The following ACYP2 variants were observed in gnomAD, a reference collection of about 807,000 sequenced individuals.
ACYP2 encodes the protein acylphosphatase-2.
ACYP2 carries 12 observed loss-of-function variants against 11.2 expected under a neutral mutation model. The ratio of observed to expected loss-of-function variants is 1.08; its 90% CI spans 0.69 to 1.74. The LOEUF (loss-of-function observed/expected upper bound fraction) is 1.74. Ranked by LOEUF, ACYP2 falls within the 40% of genes most tolerant of loss-of-function variation. The pLI is 0.00. For synonymous variants in ACYP2, 43 were observed against 32.2 expected (o/e 1.33, Z -1.13); for missense variants, 134 against 101.9 (o/e 1.31, Z -1.35).
intron 4 of ACYP2, among the ~76,000 whole-genome samples, chr2:54,120,798 G>C (rs1012210514): frequency 6.6e-6 from 1 of 152,192 alleles, no homozygotes; most frequent in Non-Finnish European, 1.5e-5. Flanking sequence ...CTGGTGTCTG[G>C]ATGAGGGGGA....
intron 6 of ACYP2, among the ~76,000 whole-genome samples, chr2:54,297,300 C>T (rs936691959): frequency 6.8e-6 from 1 of 148,090 alleles, no homozygotes; most frequent in East Asian, 1.9e-4. Context: ...TTAAGACCAG[C>T]CTGGGCAACA....
intron 6 of ACYP2, among the ~76,000 whole-genome samples, chr2:54,229,049 G>A (rs1369576126): frequency 3.3e-5 from 5 of 152,188 alleles, no homozygotes; most frequent in Non-Finnish European, 5.9e-5. Flanking sequence ...CAGGGTTAAT[G>A]TAATAGATTC....
chr2:54,261,166 T>C (rs2104043953), intron 6 of ACYP2, among the ~76,000 whole-genome samples: 1 of 152,356 alleles, frequency 6.6e-6, no homozygotes, highest in African/African-American at 2.4e-5. Flanking sequence ...TATTATTCTT[T>C]GAGTTCATTG....
chr2:54,221,647 A>G (rs1378196584), intron 6 of ACYP2, among the ~76,000 whole-genome samples: 1 of 149,970 alleles, frequency 6.7e-6, no homozygotes, highest in Non-Finnish European at 1.5e-5. Context: ...CAGCCTCCTG[A>G]GTAGGTGGGA....
intron 6 of ACYP2, among the ~76,000 whole-genome samples, chr2:54,215,554 T>G (rs1356271007): frequency 6.6e-6 from 1 of 152,188 alleles, no homozygotes; most frequent in African/African-American, 2.4e-5. Flanking sequence ...AAAAGAAAAA[T>G]ACTTACTATG....
intron 2 of ACYP2, among the ~76,000 whole-genome samples, chr2:53,988,631 G>A (rs1056997183): frequency 6.6e-6 from 1 of 152,076 alleles, no homozygotes; most frequent in African/African-American, 2.4e-5. Flanking sequence ...TTGCCATGTT[G>A]CCCAGGCTGG....
intron 4 of ACYP2, among the ~76,000 whole-genome samples, chr2:54,083,270 G>C (rs1349572674): frequency 6.6e-6 from 1 of 152,214 alleles, no homozygotes; most frequent in South Asian, 2.1e-4. Flanking sequence ...TCTCTCTTGA[G>C]GGCTAATCAA....
intron 3 of ACYP2, among the ~76,000 whole-genome samples, chr2:54,052,264 A>T (rs938078699): frequency 1.3e-5 from 2 of 152,074 alleles, no homozygotes; most frequent in African/African-American, 4.8e-5. Flanking sequence ...TCTGTGTAAG[A>T]TTTATTTTTA....
chr2:54,012,323 T>C lies in ACYP2; in HGVS notation c.62+38513T>C, dbSNP rs372766790. Among the ~76,000 whole-genome samples the C allele has an allele frequency of 1.1e-3, 168 of 151,600 alleles. 1 individual carries two copies. The highest frequency in any genetic ancestry group is 3.7e-3 in the African/African-American group (153 of 41,294). On this transcript the variant is annotated intron_variant, in intron 2 of 6. Coordinates refer to ENST00000607452, the MANE Select transcript of ACYP2 (RefSeq NM_001320586.2). ...GAGTTCAAGACCAGTCTGAGAAACATAGCAAGACCTCGCTCCTATCTACTA... is the reference window on the plus strand; with the variant it reads ...GAGTTCAAGACCAGTCTGAGAAACACAGCAAGACCTCGCTCCTATCTACTA...
intron 2 of ACYP2, among the ~76,000 whole-genome samples, chr2:54,013,596 G>A (rs536767247): frequency 1.6e-4 from 25 of 151,898 alleles, no homozygotes; most frequent in Admixed American, 9.2e-4. Flanking sequence ...CACTGCGCAC[G>A]GCCACCATCT....
chr2:53,983,833 C>G (rs1035607495), intron 2 of ACYP2, among the ~76,000 whole-genome samples: 1 of 152,002 alleles, frequency 6.6e-6, no homozygotes, highest in Non-Finnish European at 1.5e-5. Context: ...TGTAGAAAGA[C>G]CAAGAGTTTT....
intron 5 of ACYP2, among the ~76,000 whole-genome samples, chr2:54,136,243 A>G (rs1032195843): frequency 2.0e-5 from 3 of 151,942 alleles, no homozygotes; most frequent in Non-Finnish European, 4.4e-5. Flanking sequence ...GTTTCACCAT[A>G]TTGCCTGGGC....
chr2:54,201,614 TTCTTTCTTTGTTTCTTTCTTTCTC>T, intron 6 of ACYP2, among the ~76,000 whole-genome samples: 1 of 86,300 alleles, frequency 1.2e-5, no homozygotes, highest in African/African-American at 4.4e-5. Flanking sequence ...CTTTCTTTCT[TTCTTTCTTTGTTTCTTTCTTTCTC>T]TTTCTTTCTT....
chr2:54,157,228 T>A (rs1682473935), intron 6 of ACYP2, among the ~76,000 whole-genome samples: 1 of 152,166 alleles, frequency 6.6e-6, no homozygotes, highest in Non-Finnish European at 1.5e-5. Context: ...TGAAAATACA[T>A]GTAATATAAT....
intron 6 of ACYP2, among the ~76,000 whole-genome samples, chr2:54,149,861 G>T (rs916518089): frequency 6.6e-6 from 1 of 152,160 alleles, no homozygotes; most frequent in Non-Finnish European, 1.5e-5. Context: ...AGGCATTGGG[G>T]AATTTAGCTG....
chr2:54,161,322 G>C (rs147636232), intron 6 of ACYP2, among the ~76,000 whole-genome samples: 2 of 152,272 alleles, frequency 1.3e-5, no homozygotes, highest in East Asian at 3.9e-4. Flanking sequence ...TGGGGGCTGG[G>C]ACCCGTGCAT....
At chr2:54,151,019 G>T (rs1299539529) in intron 6 of ACYP2, among the ~76,000 whole-genome samples, 1 of 152,128 alleles carries the variant, frequency 6.6e-6, no homozygotes. Flanking sequence ...GGGATTACAG[G>T]GGTGAGCCAC....
intron 2 of ACYP2, among the ~76,000 whole-genome samples, chr2:53,997,400 G>A (rs979328945): frequency 1.3e-5 from 2 of 152,062 alleles, no homozygotes; most frequent in East Asian, 3.9e-4. Context: ...CTGCCTTCCG[G>A]CTTCAAGTGA....
chr2:54,128,800 G>A lies in ACYP2; in HGVS notation c.278-6653G>A, dbSNP rs372924062. ...AGCGTGGTACTATGTGTGAAGATGC[G>A]GAAGTCATACACAATTGAATAATTT... On this transcript the variant is annotated intron_variant, in intron 4 of 6. Coordinates refer to ENST00000607452, the MANE Select transcript of ACYP2 (RefSeq NM_001320586.2). Among the ~76,000 whole-genome samples the A allele has an allele frequency of 4.7e-4, 72 of 152,042 alleles. 1 individual carries two copies. In the South Asian group the frequency reaches 0.013, roughly 27 times the overall value.
Sources: allele counts gnomAD v4.1 joint callset (sites outside exome capture counted in the v4.1 genomes callset), GRCh38; gene constraint gnomAD v4.1.1; transcripts MANE v1.5; gene names NCBI Gene and HGNC (gene_info 2026-07-23, HGNC 2026-07-21).